The following ZUP1 variants were observed in gnomAD, a reference collection of about 807,000 sequenced individuals.
The protein encoded by ZUP1 is zinc finger containing ubiquitin peptidase 1.
ZUP1 carries 55 observed loss-of-function variants against 68.1 expected under a neutral mutation model. The ratio of observed to expected loss-of-function variants is 0.81; its 90% CI spans 0.65 to 1.01. ZUP1 has a LOEUF of 1.01. Ranked by LOEUF, ZUP1 falls within the 50% of genes least tolerant of loss-of-function variation. ZUP1 has a pLI of 0.00. For missense variants in ZUP1, 684 were observed against 674.9 expected (o/e 1.01, Z -0.15); for synonymous variants, 223 against 221.5 (o/e 1.01, Z -0.06).
chr6:116,661,239 T>TA (rs913809702), intron 2 of ZUP1, among the ~76,000 whole-genome samples: 1 of 152,118 alleles, frequency 6.6e-6, no homozygotes, highest in Non-Finnish European at 1.5e-5. Flanking sequence ...GTCTACCACC[T>TA]ATTAACCTTA....
chr6:116,643,418 C>A (rs940030233), intron 9 of ZUP1, among the ~76,000 whole-genome samples: 1 of 152,152 alleles, frequency 6.6e-6, no homozygotes, highest in African/African-American at 2.4e-5. Context: ...GGAGGCATCA[C>A]GCTACCTGAC....
At chr6:116,639,120 C>G (rs912170411) in intron 9 of ZUP1, among the ~76,000 whole-genome samples, 43 of 152,360 alleles carry the variant, frequency 2.8e-4, no homozygotes, top group African/African-American at 1.0e-3. Context: ...TGCAAGGCGG[C>G]AGCAAGGCTG....
rs772896373 is a variant in ZUP1 at position 116,658,943 on chromosome 6, G to A, written c.671-19C>T. On this transcript the variant is annotated intron_variant, in intron 3 of 9. Transcript: ENST00000368576. The stretch of plus-strand genomic sequence containing the variant: ...TCCATGCCTGTTAGGTATTGTTAAT[G>A]TTCAGAATAAAATAACTGTTGCAAT... 9 of 1,579,374 alleles carry A rather than the reference G, an allele frequency of 5.7e-6. No individual in the cohort carries two copies. The East Asian group carries it at 2.1e-4, about 36-fold the overall frequency.
chr6:116,645,980 G>T, intron 8 of ZUP1, 46 bp from the exon 9 acceptor site: 2 of 1,354,894 alleles, frequency 1.5e-6, no homozygotes, highest in Non-Finnish European at 1.0e-6. Flanking sequence ...TCTATTTACA[G>T]TTATACAAAT....
At chr6:116,648,664 G>C (rs1776387409) in intron 7 of ZUP1, among the ~76,000 whole-genome samples, 1 of 152,036 alleles carries the variant, frequency 6.6e-6, no homozygotes, top group Admixed American at 6.6e-5. Flanking sequence ...CAAGAAAGAA[G>C]CTGGACAAAA....
At position 116,647,575 on chromosome 6, in the gene ZUP1, G is replaced by C; in HGVS notation, c.1352C>G (p.Pro451Arg). The change falls in exon 8 of 10, where the codon CCT becomes CGT. Residue 451 changes from proline to arginine, a missense_variant. Coordinates refer to ENST00000368576, the MANE Select transcript of ZUP1 (RefSeq NM_145062.3). Reference sequence around the variant, plus strand: ...AAATAAGCGAGGGTGTGTACCCAAAGGACCAGTTGATTTGTGAAAATCAAC... The same window carrying C: ...AAATAAGCGAGGGTGTGTACCCAAACGACCAGTTGATTTGTGAAAATCAAC... ...HIVDFHKSTG[P>R]LGTHPRLFEW... 6.3e-7 allele frequency: 1 copy of C among 1,583,646 alleles called. No individual in the cohort carries two copies. The highest frequency in any genetic ancestry group is 1.3e-5 in the African/African-American group (1 of 74,586).
intron 9 of ZUP1, among the ~76,000 whole-genome samples, chr6:116,644,675 T>G (rs1206748098): frequency 1.3e-5 from 2 of 149,864 alleles, no homozygotes; most frequent in Non-Finnish European, 3.0e-5. Flanking sequence ...AACATCACAC[T>G]CTGGGGACTG....
At chr6:116,656,254 AT>A (rs879574524) in intron 5 of ZUP1, among the ~76,000 whole-genome samples, 3 of 149,550 alleles carry the variant, frequency 2.0e-5, no homozygotes, top group Admixed American at 6.6e-5. Flanking sequence ...TAATTTTGTA[AT>A]TTTTTTTTAG....
At position 116,666,673 on chromosome 6, in the gene ZUP1, T is replaced by C; in HGVS notation, c.520A>G (p.Lys174Glu). ...EHSEDMETHVKTKHANLLDIP... is the reference protein window; with the variant it reads ...EHSEDMETHVETKHANLLDIP... ...TCTAAAAGATTGGCATGCTTTGTTT[T>C]CACATGAGTTTCCATATCTTCACTG... is the stretch of plus-strand genomic sequence containing the variant. The change falls in exon 2 of 10, where the codon AAA becomes GAA. Residue 174 changes from lysine to glutamate, a missense_variant. By Grantham distance (56) the Lys-to-Glu change is moderately conservative. Transcript: ENST00000368576. The C allele has an allele frequency of 6.3e-7, 1 of 1,598,958 alleles. No homozygotes were observed.
chr6:116,660,909 T>C lies in ZUP1; in HGVS notation c.560-63A>G, dbSNP rs1006393273. 15 of 997,634 alleles carry C rather than the reference T, an allele frequency of 1.5e-5. 1 individual carries two copies. Among genetic ancestry groups the C allele is most frequent in the African/African-American group, 5.1e-5 (3 of 58,444 alleles). 61.8% of individuals were successfully genotyped at this position (997,634 alleles called of 1,614,324 possible). A position where few individuals can be genotyped will look rare whatever the true frequency, so the allele number is the denominator to read the frequency against. Reference sequence around the variant, plus strand: ...TATTTTAATTTTTTTCTTTGCTTTTTTTTTTTTTGAGACAGGGTCTCACTC... The same window carrying C: ...TATTTTAATTTTTTTCTTTGCTTTTCTTTTTTTTGAGACAGGGTCTCACTC... On this transcript the variant is annotated intron_variant, in intron 2 of 9. Coordinates refer to ENST00000368576, the MANE Select transcript of ZUP1 (RefSeq NM_145062.3).
chr6:116,664,382 G>A (rs1776934561), intron 2 of ZUP1, among the ~76,000 whole-genome samples: 1 of 150,458 alleles, frequency 6.6e-6, no homozygotes, highest in South Asian at 2.1e-4. Flanking sequence ...AGTGAGCAGA[G>A]ATCGTGCCAT....
Position 116,667,200 on chromosome 6 carries a change from A to T in ZUP1, c.-8T>A. Reference sequence around the variant, plus strand: ...AATATTACAGGAAAGCATGGTATTGACAAGTAGCTAGAAAAGAACATAACA... The same window carrying T: ...AATATTACAGGAAAGCATGGTATTGTCAAGTAGCTAGAAAAGAACATAACA... On this transcript the variant is annotated 5_prime_UTR_variant, in exon 2 of 10. Transcript: ENST00000368576. The T allele has an allele frequency of 6.5e-7, 1 of 1,533,804 alleles. No individual in the cohort carries two copies. Among genetic ancestry groups the T allele is most frequent in the Non-Finnish European group, 8.8e-7 (1 of 1,141,982 alleles).
At chr6:116,656,374 G>A (rs1044460048) in intron 5 of ZUP1, among the ~76,000 whole-genome samples, 4 of 152,062 alleles carry the variant, frequency 2.6e-5, no homozygotes, top group East Asian at 3.9e-4. Context: ...ATGAGCCACC[G>A]CGCCCAGCCT....
intron 2 of ZUP1, among the ~76,000 whole-genome samples, chr6:116,662,143 A>G (rs753611713): frequency 2.0e-5 from 3 of 152,246 alleles, no homozygotes; most frequent in Non-Finnish European, 4.4e-5. Flanking sequence ...AAATATTTCC[A>G]AAAGCAGCAG....
intron 8 of ZUP1, 28 bp from the exon 9 acceptor site, chr6:116,645,962 A>T (rs754992060): frequency 7.4e-6 from 11 of 1,486,120 alleles, no homozygotes; most frequent in Non-Finnish European, 1.0e-5. Context: ...AGTTATACAT[A>T]CGTCACATCT....
rs536167411 is a variant in ZUP1, at chr6:116,644,111, G to C, written c.1689+1603C>G. Reference sequence around the variant, plus strand: ...AAATGCTCATCATCACTGGCCATCAGAGAAATGCAAATCAAAACCACAATG... The same window carrying C: ...AAATGCTCATCATCACTGGCCATCACAGAAATGCAAATCAAAACCACAATG... On this transcript the variant is annotated intron_variant, in intron 9 of 9. Coordinates refer to ENST00000368576, the MANE Select transcript of ZUP1 (RefSeq NM_145062.3). Among the ~76,000 whole-genome samples the C allele has an allele frequency of 4.2e-4, 64 of 152,324 alleles. No individual in the cohort carries two copies. In the South Asian group the frequency reaches 5.2e-3, roughly 12 times the overall value.
rs1354921522 is a variant in ZUP1, at chr6:116,668,755, A to G, written c.-205T>C. On this transcript the variant is annotated 5_prime_UTR_variant, in exon 1 of 10. An upstream open reading frame in the 5' UTR loses its in-frame stop. Transcript: ENST00000368576. ...AGGAACTTCCAACACCTTGGCCCTC[A>G]GTACCTCATTCAAAAGCACTTCCTT... is the stretch of plus-strand genomic sequence containing the variant. The G allele has an allele frequency of 2.0e-5, 3 of 152,264 alleles. No individual in the cohort carries two copies. Among genetic ancestry groups the G allele is most frequent in the East Asian group, 1.9e-4 (1 of 5,194 alleles). 9.4% of individuals were successfully genotyped at this position (152,264 alleles called of 1,614,324 possible).
At chr6:116,648,233 C>A (rs901079676) in intron 7 of ZUP1, among the ~76,000 whole-genome samples, 1 of 152,184 alleles carries the variant, frequency 6.6e-6, no homozygotes, top group African/African-American at 2.4e-5. Context: ...CTTGAATAAA[C>A]ATTTTTTTAA....
intron 9 of ZUP1, among the ~76,000 whole-genome samples, chr6:116,644,216 T>C (rs1036048076): frequency 4.6e-5 from 7 of 152,174 alleles, no homozygotes; most frequent in East Asian, 1.9e-4. Context: ...TGTGGAGAAA[T>C]AGGAACACTT....
Sources: gnomAD v4.1 joint callset for allele counts (sites outside exome capture counted in the v4.1 genomes callset) on GRCh38, gnomAD v4.1.1 for gene constraint, MANE v1.5 for transcripts, NCBI Gene and HGNC (gene_info 2026-07-23, HGNC 2026-07-21) for gene names.